Variants in ADAMTS13 observed in about 807,000 individuals in gnomAD.
ADAMTS13 encodes the protein ADAM metallopeptidase with thrombospondin type 1 motif 13.
In ADAMTS13, 110 loss-of-function variants were observed where a neutral mutation model predicts 155.1. The ratio of observed to expected loss-of-function variants is 0.71; its 90% CI spans 0.61 to 0.83. The LOEUF (loss-of-function observed/expected upper bound fraction) is 0.83. Ranked by LOEUF, ADAMTS13 falls within the 40% of genes least tolerant of loss-of-function variation. The pLI is 0.00. For missense variants in ADAMTS13, 1,707 were observed against 1,891.7 expected (o/e 0.90, Z 1.81); for synonymous variants, 758 against 756.4 (o/e 1.00, Z -0.03).
chr9:133,439,566 T>C, intron 15 of ADAMTS13, 120 bp downstream of exon 15: 1 of 861,948 alleles, frequency 1.2e-6, no homozygotes, highest in Non-Finnish European at 2.0e-6. Context: ...CAAACCACCC[T>C]CAGGCTTGAT....
chr9:133,428,566 C>CCGGGGGG, intron 6 of ADAMTS13, 68 bp from the exon 7 acceptor site: 1 of 283,532 alleles, frequency 3.5e-6, no homozygotes, highest in Non-Finnish European at 6.4e-6. Context: ...CGCCGACCCC[C>CCGGGGGG]GTCCCGCCCC....
Position 133,448,231 on chromosome 9 carries a change from G to A in ADAMTS13, c.2732-368G>A, listed in dbSNP as rs188858891. ...TCTCGAACTCCTGACCTTGTGATCC[G>A]CCGCCCAAAGTGCTGTGATTACAGG... is the stretch of plus-strand genomic sequence containing the variant. On this transcript the variant is annotated intron_variant, in intron 21 of 28. Coordinates refer to ENST00000355699, the MANE Select transcript of ADAMTS13 (RefSeq NM_139027.6). Among the ~76,000 whole-genome samples the A allele has an allele frequency of 6.1e-4, 93 of 152,100 alleles. No homozygotes were observed. The East Asian group carries it at 0.012, about 19-fold the overall frequency.
Position 133,426,261 on chromosome 9 carries a change from C to A in ADAMTS13, c.602C>A (p.Ala201Asp). 1 of 1,612,394 alleles carries A rather than the reference C, an allele frequency of 6.2e-7. No homozygotes were observed. Among genetic ancestry groups the A allele is most frequent in the African/African-American group, 1.3e-5 (1 of 75,072 alleles). Residue 201 changes from alanine (A) to aspartate (D), a missense_variant, in exon 6 of 29, where the codon GCC becomes GAC. By Grantham distance (126) the Ala-to-Asp change is moderately radical. Around this residue, in one of 3 missense-constraint regions of ADAMTS13, gnomAD observed 733 missense variants for 749.6 expected, o/e 0.98. Coordinates refer to ENST00000355699, the MANE Select transcript of ADAMTS13 (RefSeq NM_139027.6). ...CGGGGCGTCACCCAGCTGGGCGGTG[C>A]CTGCTCCCCAACCTGGAGCTGCCTC... is the stretch of plus-strand genomic sequence containing the variant. The part of the protein sequence containing the change: ...QVRGVTQLGG[A>D]CSPTWSCLIT...
chr9:133,417,712 C>CT (rs1839749589), upstream of ADAMTS13: 1 of 1,614,162 alleles, frequency 6.2e-7, no homozygotes, highest in African/African-American at 1.3e-5. Context: ...TTCTTGCTTA[C>CT]TTCCCGCGCC....
intron 19 of ADAMTS13, among the ~76,000 whole-genome samples, chr9:133,444,610 C>T (rs1841927660): frequency 6.6e-6 from 1 of 152,230 alleles, no homozygotes; most frequent in Non-Finnish European, 1.5e-5. Context: ...GGTTCTGTCT[C>T]TGCACCCTGG....
In ADAMTS13 at chr9:133,459,089, A is replaced by G; in HGVS notation, c.4025A>G (p.Gln1342Arg). 6.2e-7 allele frequency: 1 copy of G among 1,612,916 alleles called. No individual in the cohort carries two copies. Among genetic ancestry groups the G allele is most frequent in the East Asian group, 2.2e-5 (1 of 44,874 alleles). ...TTCAGCGAGGGCTTCCTGAAGGCTC[A>G]GGCCAGCCTGCGGGGCCAGTACTGG... ...MEFSEGFLKA[Q>R]ASLRGQYWTL... is the part of the protein sequence containing the mutation. The change falls in exon 29 of 29, where the codon CAG (glutamine) becomes CGG (arginine). Residue 1342 changes from glutamine (Q) to arginine (R), a missense_variant. This residue lies in a region of ADAMTS13 where 961 missense variants were observed against 1,107.9 expected (regional missense o/e 0.87). Coordinates refer to ENST00000355699, the MANE Select transcript of ADAMTS13 (RefSeq NM_139027.6).
At chr9:133,417,839 C>T (rs2130753064), upstream of ADAMTS13, 1 of 1,599,676 alleles carries the variant, frequency 6.3e-7, no homozygotes, top group South Asian at 1.1e-5. Flanking sequence ...CCTTCGCCTT[C>T]CCCATCCTGC....
chr9:133,422,501 G>A lies in ADAMTS13; in HGVS notation c.58G>A (p.Ala20Thr), dbSNP rs142293909. The change falls in exon 1 of 29, where the codon GCC (alanine) becomes ACC (threonine). Residue 20 changes from alanine to threonine, a missense_variant. Ala to Thr is a moderately conservative substitution (Grantham distance 58). Coordinates refer to ENST00000355699, the MANE Select transcript of ADAMTS13 (RefSeq NM_139027.6). Reference sequence around the variant, plus strand: ...TCCCCTCTGTGTGGCCGGAATCCTTGCCTGTGGCTTTCTCCTGGGCTGCTG... The same window carrying A: ...TCCCCTCTGTGTGGCCGGAATCCTTACCTGTGGCTTTCTCCTGGGCTGCTG... ...CPPLCVAGIL[A>T]CGFLLGCWGP... 5.0e-5 allele frequency: 81 copies of A among 1,614,122 alleles called. No homozygotes were observed. The African/African-American group carries it at 9.3e-4, about 19-fold the overall frequency.
chr9:133,415,555 C>G (rs1839537087), intron 1 of ADAMTS13: 1 of 153,644 alleles, frequency 6.5e-6, no homozygotes, highest in Non-Finnish European at 1.4e-5. Flanking sequence ...TGGCTGTCAC[C>G]CAAGCAGAGG....
chr9:133,440,351 G>T lies in ADAMTS13; in HGVS notation c.1794G>T (p.Arg598Ser). ...HRPLFTHLAV[R>S]IGGRYVVAGK... The stretch of plus-strand genomic sequence containing the variant: ...GGGCTGGTTCCCCGACAGCGGTGAG[G>T]ATCGGAGGGCGCTATGTCGTGGCTG... Residue 598 changes from arginine (R) to serine (S), a missense_variant, in exon 16 of 29, where the codon AGG becomes AGT. By Grantham distance (110) the Arg-to-Ser change is moderately radical. This residue lies in a region of ADAMTS13 where 961 missense variants were observed against 1,107.9 expected (regional missense o/e 0.87). Coordinates refer to ENST00000355699, the MANE Select transcript of ADAMTS13 (RefSeq NM_139027.6). This position sits in a 1 kb window ranked among gnomAD's most constrained non-coding sequence, Gnocchi z 4.3. 6.2e-7 allele frequency: 1 copy of T among 1,614,022 alleles called. No homozygotes were observed. The highest frequency in any genetic ancestry group is 8.5e-7 in the Non-Finnish European group (1 of 1,180,038).
At position 133,451,748 on chromosome 9, in the gene ADAMTS13, G is replaced by C. The variant is rs1045537155; in HGVS notation, c.3044+1783G>C. ...TCTACTATAAATACAAAAATTAGCC[G>C]GGCATGGTGGTGCATGCCAGTATCC... On this transcript the variant is annotated intron_variant, in intron 23 of 28. Transcript: ENST00000355699. Among the ~76,000 whole-genome samples, 7 of 151,694 alleles carry C rather than the reference G, an allele frequency of 4.6e-5. No individual in the cohort carries two copies. In the South Asian group the frequency reaches 1.5e-3, roughly 32 times the overall value.
rs1310093662 is a variant in ADAMTS13 at position 133,428,725 on chromosome 9, C to T, written c.778C>T (p.Leu260Phe). Residue 260 changes from leucine (L) to phenylalanine (F), a missense_variant, in exon 7 of 29, where the codon CTC becomes TTC. Transcript: ENST00000355699. Reference sequence around the variant, plus strand: ...GGACGGCGCCGCGCCCCGCGCCGGCCTCGCCTGGTCCCCCTGCAGCCGCCG... The same window carrying T: ...GGACGGCGCCGCGCCCCGCGCCGGCTTCGCCTGGTCCCCCTGCAGCCGCCG... Reference protein sequence around the residue: ...ASDGAAPRAGLAWSPCSRRQL... With the variant: ...ASDGAAPRAGFAWSPCSRRQL... 7.4e-6 allele frequency: 10 copies of T among 1,356,276 alleles called. No homozygotes were observed. The African/African-American group carries it at 1.5e-4, about 21-fold the overall frequency. The allele number at this position is 1,356,276 out of a possible 1,614,324, so 84.0% of individuals were successfully genotyped here.
At chr9:133,438,719 G>A (rs1841436009) in intron 14 of ADAMTS13, among the ~76,000 whole-genome samples, 1 of 152,094 alleles carries the variant, frequency 6.6e-6, no homozygotes. Flanking sequence ...ATCACCTACA[G>A]CCTGGCCAGT....
In ADAMTS13 at chr9:133,456,334, C is replaced by G; in HGVS notation, c.3547+119C>G. ...GTGCATTCCCACCTGTAGTTTGCATCCCATCTCATGACTGGGGAGTGATGA... is the reference window on the plus strand; with the variant it reads ...GTGCATTCCCACCTGTAGTTTGCATGCCATCTCATGACTGGGGAGTGATGA... On this transcript the variant is annotated intron_variant, in intron 26 of 28. Coordinates refer to ENST00000355699, the MANE Select transcript of ADAMTS13 (RefSeq NM_139027.6). The surrounding 1 kb of genome is among the most constrained non-coding windows in gnomAD (Gnocchi z 4.4). 6.6e-7 allele frequency: 1 copy of G among 1,509,306 alleles called. No individual in the cohort carries two copies. The highest frequency in any genetic ancestry group is 1.8e-4 in the Middle Eastern group (1 of 5,452). The allele number at this position is 1,509,306 out of a possible 1,614,324, so 93.5% of individuals were successfully genotyped here. A position where few individuals can be genotyped will look rare whatever the true frequency, so the allele number is the denominator to read the frequency against.
Position 133,456,676 on chromosome 9 carries a change from G to C in ADAMTS13, c.3681G>C (p.Leu1227=), listed in dbSNP as rs952739550. The change falls in exon 27 of 29, where the codon CTG becomes CTC. Residue 1227 remains leucine, a synonymous_variant. Coordinates refer to ENST00000355699, the MANE Select transcript of ADAMTS13 (RefSeq NM_139027.6). The surrounding 1 kb of genome is among the most constrained non-coding windows in gnomAD (Gnocchi z 4.4). ...GCGGGCGGCCAGGAGGTGGGGTGCT[G>C]CTGCGGTATGGGAGCCAGCTTGCTC... ...QRCGRPGGGV[L]LRYGSQLAPE... is the part of the protein sequence containing the mutation. The C allele has an allele frequency of 2.5e-6, 4 of 1,591,216 alleles. No individual in the cohort carries two copies. In the African/African-American group the frequency reaches 4.0e-5, roughly 16 times the overall value.
chr9:133,425,962 C>G lies in ADAMTS13; in HGVS notation c.439C>G (p.Leu147Val). ...PEGAPNITANLTSSLLSVCGW... is the reference protein window; with the variant it reads ...PEGAPNITANVTSSLLSVCGW... ...GGGTGCTCCAAATATCACAGCCAACCTCACCTCGTCCCTGCTGAGCGTCTG... is the reference window on the plus strand; with the variant it reads ...GGGTGCTCCAAATATCACAGCCAACGTCACCTCGTCCCTGCTGAGCGTCTG... The change falls in exon 5 of 29, where the codon CTC (leucine) becomes GTC (valine). Residue 147 changes from leucine (L) to valine (V), a missense_variant. Transcript: ENST00000355699. The surrounding 1 kb of genome is among the most constrained non-coding windows in gnomAD (Gnocchi z 4.6). The G allele has an allele frequency of 6.2e-7, 1 of 1,613,814 alleles. No homozygotes were observed. The highest frequency in any genetic ancestry group is 8.5e-7 in the Non-Finnish European group (1 of 1,180,032).
chr9:133,436,699 G>A (rs779022705), intron 11 of ADAMTS13, 130 bp from the exon 12 acceptor site: 41 of 962,512 alleles, frequency 4.3e-5, no homozygotes, highest in African/African-American at 6.4e-5. Context: ...GCAGGGAACC[G>A]AGGCACGGCC....
At position 133,449,908 on chromosome 9, in the gene ADAMTS13, AG is replaced by A; in HGVS notation, c.2991del (p.Leu998CysfsTer123). 6.2e-7 allele frequency: 1 copy of A among 1,613,394 alleles called. No individual in the cohort carries two copies. The highest frequency in any genetic ancestry group is 8.5e-7 in the Non-Finnish European group (1 of 1,179,938). ...GEEILLDTQC[Q>X]GLPRPEPQEA... is the part of the protein sequence containing the mutation. ...GAGATCCTGTTGGACACCCAGTGCCAGGGGCTGCCTCGCCCGGAACCCCAGG... is the reference window on the plus strand; with the variant it reads ...GAGATCCTGTTGGACACCCAGTGCCAGGGCTGCCTCGCCCGGAACCCCAGG... On this transcript the variant is annotated frameshift_variant, in exon 23 of 29. Coordinates refer to ENST00000355699, the MANE Select transcript of ADAMTS13 (RefSeq NM_139027.6). LOFTEE classifies it high-confidence loss of function.
At chr9:133,451,052 G>A (rs931574840) in intron 23 of ADAMTS13, among the ~76,000 whole-genome samples, 45 of 152,310 alleles carry the variant, frequency 3.0e-4, no homozygotes, top group Non-Finnish European at 5.7e-4. Context: ...CGTGGGGTCC[G>A]GAGCCCAGTG....
Sources: gnomAD v4.1 joint callset for allele counts (sites outside exome capture counted in the v4.1 genomes callset) on GRCh38, gnomAD v4.1.1 for gene constraint, gnomAD v4.1.1 regional missense constraint, Gnocchi (gnomAD v3.1) non-coding constraint, MANE v1.5 for transcripts, NCBI Gene and HGNC (gene_info 2026-07-23, HGNC 2026-07-21) for gene names.